The following SLC9A9 variants were observed in gnomAD, a reference collection of about 807,000 sequenced individuals.
The protein encoded by SLC9A9 is solute carrier family 9 member A9.
A neutral mutation model predicts 77.8 loss-of-function variants in SLC9A9; 62 were observed. That is an observed-to-expected ratio of 0.80 (90% CI 0.65 to 0.98). SLC9A9 has a LOEUF of 0.98. Among genes scored for constraint, SLC9A9 ranks in the 50% least tolerant of loss-of-function variants. SLC9A9 has a pLI of 0.00. For missense variants in SLC9A9, 775 were observed against 774.9 expected (o/e 1.00, Z 0.00); for synonymous variants, 320 against 283.5 (o/e 1.13, Z -1.29).
At chr3:143,665,212 A>C (rs1269061412) in intron 5 of SLC9A9, among the ~76,000 whole-genome samples, 1 of 152,184 alleles carries the variant, frequency 6.6e-6, no homozygotes, top group East Asian at 1.9e-4. Context: ...CATGGAAACT[A>C]AACAATCTGC....
intron 9 of SLC9A9, among the ~76,000 whole-genome samples, chr3:143,543,569 G>A (rs903505510): frequency 1.3e-5 from 2 of 152,156 alleles, no homozygotes; most frequent in Non-Finnish European, 2.9e-5. Flanking sequence ...AGCTCTTAGT[G>A]TCTACTGTTG....
intron 12 of SLC9A9, among the ~76,000 whole-genome samples, chr3:143,433,984 C>A (rs373091918): frequency 3.3e-5 from 5 of 152,196 alleles, no homozygotes; most frequent in Non-Finnish European, 5.9e-5. Context: ...ATGAAGCTTT[C>A]CTGGCTCTGT....
intron 12 of SLC9A9, among the ~76,000 whole-genome samples, chr3:143,394,115 T>C (rs2033639120): frequency 6.6e-6 from 1 of 152,138 alleles, no homozygotes. Flanking sequence ...GCCAGCATCA[T>C]CCTGATACCA....
intron 1 of SLC9A9, among the ~76,000 whole-genome samples, chr3:143,835,532 T>A (rs902391915): frequency 3.9e-5 from 6 of 152,228 alleles, no homozygotes; most frequent in African/African-American, 1.4e-4. Context: ...GTTTTAGCCA[T>A]ATGCTGACAG....
intron 12 of SLC9A9, among the ~76,000 whole-genome samples, chr3:143,400,595 G>A (rs149791029): frequency 2.6e-5 from 4 of 151,902 alleles, no homozygotes; most frequent in South Asian, 2.1e-4. Context: ...TATACTACTC[G>A]GGTGATAGGT....
intron 2 of SLC9A9, among the ~76,000 whole-genome samples, chr3:143,806,764 G>A (rs2008727974): frequency 6.6e-6 from 1 of 151,632 alleles, no homozygotes; most frequent in Non-Finnish European, 1.5e-5. Context: ...GATTGTGAAT[G>A]GGCACAAAAC....
intron 5 of SLC9A9, among the ~76,000 whole-genome samples, chr3:143,677,407 A>G (rs1932919933): frequency 6.6e-6 from 1 of 152,204 alleles, no homozygotes; most frequent in Non-Finnish European, 1.5e-5. Context: ...TTTAATAGAC[A>G]TACAATATTG....
intron 14 of SLC9A9, among the ~76,000 whole-genome samples, chr3:143,308,866 C>T (rs1041037513): frequency 6.6e-6 from 1 of 152,058 alleles, no homozygotes; most frequent in African/African-American, 2.4e-5. Context: ...CAGAAAGACA[C>T]CTGAATTTTT....
At chr3:143,425,047 C>T (rs985261825) in intron 12 of SLC9A9, among the ~76,000 whole-genome samples, 6 of 152,182 alleles carry the variant, frequency 3.9e-5, no homozygotes, top group African/African-American at 1.4e-4. Context: ...ATTTTCCCCT[C>T]AGGGCATTTG....
At position 143,801,523 on chromosome 3, in the gene SLC9A9, T is replaced by C. The variant is rs145722294; in HGVS notation, c.379-4620A>G. ...TCCTGGCCCAGACTTCAATCCAGCC[T>C]CCCACATTATTCCGGATACCACACC... On this transcript the variant is annotated intron_variant, in intron 2 of 15. Coordinates refer to ENST00000316549, the MANE Select transcript of SLC9A9 (RefSeq NM_173653.4). Among the ~76,000 whole-genome samples the C allele has an allele frequency of 6.4e-3, 968 of 152,248 alleles. 7 individuals are homozygous for C. Among genetic ancestry groups the C allele is most frequent in the African/African-American group, 0.023 (937 of 41,532 alleles).
At chr3:143,692,341 G>A (rs1266243900) in intron 5 of SLC9A9, among the ~76,000 whole-genome samples, 1 of 152,106 alleles carries the variant, frequency 6.6e-6, no homozygotes, top group African/African-American at 2.4e-5. Flanking sequence ...TTAAAACAAT[G>A]AGTAGATTTT....
intron 12 of SLC9A9, among the ~76,000 whole-genome samples, chr3:143,448,885 T>A (rs1393257215): frequency 1.1e-4 from 4 of 37,426 alleles, no homozygotes; most frequent in Admixed American, 5.8e-4. Flanking sequence ...ATGATATATA[T>A]TATATATTAT....
intron 6 of SLC9A9, among the ~76,000 whole-genome samples, chr3:143,606,428 C>CTATATATATA (rs1473173290): frequency 4.3e-4 from 30 of 69,874 alleles, no homozygotes; most frequent in Non-Finnish European, 5.2e-4. Context: ...CTCTCTCTCT[C>CTATATATATA]TCTCTCTCTA....
rs77342321 is a variant in SLC9A9 at position 143,717,435 on chromosome 3, G to C, written c.534-24128C>G. Among the ~76,000 whole-genome samples the C allele has an allele frequency of 9.8e-3, 1,496 of 152,308 alleles. 29 individuals carry two copies. The highest frequency in any genetic ancestry group is 0.035 in the African/African-American group (1,438 of 41,550). On this transcript the variant is annotated intron_variant, in intron 4 of 15. Transcript: ENST00000316549. ...AGTGGCAGTGAGTGTTTATGAAATTGTTAGAATTCGTGGCTGACAATAAAC... is the reference window on the plus strand; with the variant it reads ...AGTGGCAGTGAGTGTTTATGAAATTCTTAGAATTCGTGGCTGACAATAAAC...
intron 14 of SLC9A9, among the ~76,000 whole-genome samples, chr3:143,361,852 GT>G (rs1302869386): frequency 7.2e-5 from 11 of 152,012 alleles, no homozygotes; most frequent in Non-Finnish European, 1.3e-4. Context: ...TTGTCTTCAA[GT>G]TTTTTTTCAC....
chr3:143,407,392 A>AT lies in SLC9A9; in HGVS notation c.1470-25279dup, dbSNP rs1241689868. Among the ~76,000 whole-genome samples the AT allele has an allele frequency of 2.0e-5, 3 of 152,262 alleles. No individual in the cohort carries two copies. The East Asian group carries it at 5.8e-4, about 29-fold the overall frequency. On this transcript the variant is annotated intron_variant, in intron 12 of 15. Coordinates refer to ENST00000316549, the MANE Select transcript of SLC9A9 (RefSeq NM_173653.4). ...ACTGCAGCTGACAATATCCTAGGTG[A>AT]TTTTTTTCTTTGAACTCAAGAATCT... is the stretch of plus-strand genomic sequence containing the variant.
intron 12 of SLC9A9, among the ~76,000 whole-genome samples, chr3:143,416,260 T>G (rs796133926): frequency 1.3e-5 from 2 of 152,166 alleles, no homozygotes; most frequent in African/African-American, 4.8e-5. Flanking sequence ...TATACAAACT[T>G]GATTGATAAA....
At chr3:143,517,057 C>T (rs571667608) in intron 9 of SLC9A9, 32 of 907,690 alleles carry the variant, frequency 3.5e-5, no homozygotes, top group Non-Finnish European at 5.1e-5. Context: ...TAATAAATAG[C>T]ATGTCAATTT....
At chr3:143,665,515 A>G (rs1379100443) in intron 5 of SLC9A9, among the ~76,000 whole-genome samples, 1 of 152,150 alleles carries the variant, frequency 6.6e-6, no homozygotes. Context: ...GACACAAAAA[A>G]CCCTTCAAAA....
Sources: allele counts gnomAD v4.1 joint callset (sites outside exome capture counted in the v4.1 genomes callset), GRCh38; gene constraint gnomAD v4.1.1; transcripts MANE v1.5; gene names NCBI Gene and HGNC (gene_info 2026-07-23, HGNC 2026-07-21).